ZNF609: variants seen among roughly 807,000 people sequenced by gnomAD.
The protein encoded by ZNF609 is zinc finger protein 609.
A neutral mutation model predicts 109.5 loss-of-function variants in ZNF609; 11 were observed. The ratio of observed to expected loss-of-function variants is 0.10; its 90% CI spans 0.06 to 0.17. ZNF609 has a LOEUF of 0.17. ZNF609 is among the 10% of genes least tolerant of loss of function. The pLI is 1.00. For missense variants in ZNF609, 1,559 were observed against 1,772.4 expected (o/e 0.88, Z 2.16); for synonymous variants, 646 against 662.0 (o/e 0.98, Z 0.37).
chr15:64,653,561 G>A (rs2140999279), intron 3 of ZNF609, among the ~76,000 whole-genome samples: 1 of 152,282 alleles, frequency 6.6e-6, no homozygotes, highest in Non-Finnish European at 1.5e-5. Flanking sequence ...CAGGAGAAAT[G>A]CTTGAACCTG....
Position 64,470,463 on chromosome 15 carries a change from T to G in ZNF609, c.-128+9625T>G, listed in dbSNP as rs558709718. The stretch of plus-strand genomic sequence containing the variant: ...AAGAGACGAGAAATGAAAAGCTGGT[T>G]GGTAAGTGTTTCAGGAACTTTCAGA... On this transcript the variant is annotated intron_variant, in intron 1 of 9. Transcript: ENST00000326648. 3 of 152,298 alleles carry G rather than the reference T, an allele frequency of 2.0e-5. No homozygotes were observed. In the South Asian group the frequency reaches 6.2e-4, roughly 32 times the overall value. 9.4% of individuals were successfully genotyped at this position (152,298 alleles called of 1,614,324 possible).
Position 64,683,483 on chromosome 15 carries a change from G to A in ZNF609, c.*1797G>A, listed in dbSNP as rs1185409649. The A allele has an allele frequency of 6.6e-6, 1 of 152,652 alleles. No individual in the cohort carries two copies. The highest frequency in any genetic ancestry group is 1.5e-5 in the Non-Finnish European group (1 of 68,162). 9.5% of individuals were successfully genotyped at this position (152,652 alleles called of 1,614,324 possible). A position where few individuals can be genotyped will look rare whatever the true frequency, so the allele number is the denominator to read the frequency against. On this transcript the variant is annotated 3_prime_UTR_variant, in exon 10 of 10. Coordinates refer to ENST00000326648, the MANE Select transcript of ZNF609 (RefSeq NM_015042.2). ...TGCCTCCTCGTTTTTGTTCAAGTTG[G>A]GTTCTGAGTCCTCCCCAAAAACCAT...
intron 3 of ZNF609, among the ~76,000 whole-genome samples, chr15:64,629,608 AC>A (rs1276368417): frequency 3.3e-5 from 5 of 152,294 alleles, no homozygotes; most frequent in Admixed American, 2.0e-4. Flanking sequence ...TTAGTCTGTT[AC>A]CTTTGGAGAG....
chr15:64,468,742 G>GA (rs979605992), intron 1 of ZNF609, among the ~76,000 whole-genome samples: 25 of 152,052 alleles, frequency 1.6e-4, no homozygotes, highest in Admixed American at 3.3e-4. Context: ...GAATAGAGGG[G>GA]AAAAAATCAT....
chr15:64,489,678 C>T (rs1345396740), intron 1 of ZNF609, among the ~76,000 whole-genome samples: 9 of 151,054 alleles, frequency 6.0e-5, no homozygotes, highest in African/African-American at 1.7e-4. Flanking sequence ...TACAGGCACC[C>T]GCCACCATGC....
intron 2 of ZNF609, among the ~76,000 whole-genome samples, chr15:64,615,939 C>T (rs964515126): frequency 1.3e-5 from 2 of 152,110 alleles, no homozygotes; most frequent in Non-Finnish European, 1.5e-5. Flanking sequence ...TTCCTTCTTG[C>T]GTTTTTGTCT....
chr15:64,559,744 A>G (rs953062096), intron 2 of ZNF609, among the ~76,000 whole-genome samples: 2 of 152,242 alleles, frequency 1.3e-5, no homozygotes, highest in Non-Finnish European at 2.9e-5. Context: ...TGGTCGCTCA[A>G]TAAGTATTTA....
rs34007985 is a variant in ZNF609 at position 64,641,219 on chromosome 15, C to CTTTTTTTTTTTTTTTTTTTTT, written c.973+18182_973+18183insTTTTTTTTTTTTTTTTTTTTT. Among the ~76,000 whole-genome samples the CTTTTTTTTTTTTTTTTTTTTT allele has an allele frequency of 8.6e-5, 6 of 69,734 alleles. 2 individuals are homozygous for CTTTTTTTTTTTTTTTTTTTTT. The highest frequency in any genetic ancestry group is 2.3e-4 in the Admixed American group (1 of 4,256). 45.7% of individuals were successfully genotyped at this position (69,734 alleles called of 152,430 possible). On this transcript the variant is annotated intron_variant, in intron 3 of 9. Transcript: ENST00000326648. Reference sequence around the variant, plus strand: ...TGGGTGTTAGTTACACTTGTGCTTTCTTTTTTTTTTTTTTTGAGATGGAGT... The same window carrying CTTTTTTTTTTTTTTTTTTTTT: ...TGGGTGTTAGTTACACTTGTGCTTTCTTTTTTTTTTTTTTTTTTTTTTTTTTTTTTTTTTTTGAGATGGAGT...
At position 64,499,629 on chromosome 15, in the gene ZNF609, C is replaced by A; in HGVS notation, c.210C>A (p.Asp70Glu). The change falls in exon 2 of 10, where the codon GAC (aspartate) becomes GAA (glutamate). Residue 70 changes from aspartate (D) to glutamate (E), a missense_variant. Physicochemically the swap from Asp to Glu is conservative, Grantham distance 45 (BLOSUM62 2). Transcript: ENST00000326648. ...PAPNAVATLP[D>E]NIKFVTPVPG... Reference sequence around the variant, plus strand: ...CCAATGCTGTGGCCACACTACCAGACAACATCAAGTTTGTGACCCCAGTGC... The same window carrying A: ...CCAATGCTGTGGCCACACTACCAGAAAACATCAAGTTTGTGACCCCAGTGC... 1 of 1,614,142 alleles carries A rather than the reference C, an allele frequency of 6.2e-7. No individual in the cohort carries two copies. The highest frequency in any genetic ancestry group is 2.2e-5 in the East Asian group (1 of 44,880).
chr15:64,575,574 G>A (rs1210652389), intron 2 of ZNF609, among the ~76,000 whole-genome samples: 1 of 152,090 alleles, frequency 6.6e-6, no homozygotes, highest in Non-Finnish European at 1.5e-5. Flanking sequence ...GGAGGTCAAC[G>A]TATTTATTTT....
At chr15:64,580,614 A>C (rs1284471390) in intron 2 of ZNF609, among the ~76,000 whole-genome samples, 2 of 149,222 alleles carry the variant, frequency 1.3e-5, no homozygotes, top group Non-Finnish European at 3.0e-5. Flanking sequence ...GTAGTGGTGC[A>C]GTCTGCAACC....
At chr15:64,659,839 T>C (rs1420257438) in intron 3 of ZNF609, among the ~76,000 whole-genome samples, 16 of 150,892 alleles carry the variant, frequency 1.1e-4, no homozygotes, top group South Asian at 6.3e-4. Flanking sequence ...TTCTTTCTTT[T>C]TTTTTTTTTT....
chr15:64,590,868 C>A (rs1397655786), intron 2 of ZNF609, among the ~76,000 whole-genome samples: 1 of 151,116 alleles, frequency 6.6e-6, no homozygotes, highest in South Asian at 2.1e-4. Flanking sequence ...AAAATGTTAT[C>A]CCTTGAAGAT....
intron 1 of ZNF609, among the ~76,000 whole-genome samples, chr15:64,489,054 G>T (rs1339126119): frequency 6.6e-6 from 1 of 152,072 alleles, no homozygotes; most frequent in East Asian, 1.9e-4. Context: ...CAGTGAGCTT[G>T]TGTTTGTTTG....
intron 2 of ZNF609, among the ~76,000 whole-genome samples, chr15:64,611,929 GT>G (rs1448956980): frequency 3.3e-5 from 5 of 151,048 alleles, no homozygotes; most frequent in African/African-American, 1.2e-4. Flanking sequence ...TAGAGATGGG[GT>G]TTCACTATGT....
At chr15:64,619,405 A>G (rs56026137) in intron 2 of ZNF609, among the ~76,000 whole-genome samples, 2,209 of 152,346 alleles carry the variant, frequency 0.014, 28 homozygotes, top group Non-Finnish European at 0.022. Flanking sequence ...AGGTTATTAG[A>G]TGAATATCAC....
intron 2 of ZNF609, among the ~76,000 whole-genome samples, chr15:64,615,948 CTG>C (rs1412752775): frequency 2.0e-5 from 3 of 152,144 alleles, no homozygotes; most frequent in African/African-American, 7.2e-5. Flanking sequence ...GCGTTTTTGT[CTG>C]TGAAGGTGAA....
chr15:64,522,883 A>G (rs902329619), intron 2 of ZNF609, among the ~76,000 whole-genome samples: 7 of 151,966 alleles, frequency 4.6e-5, no homozygotes, highest in Middle Eastern at 3.4e-3. Context: ...GTAATTTTCT[A>G]TATGGATTTC....
chr15:64,556,156 ATT>A (rs34788011), intron 2 of ZNF609, among the ~76,000 whole-genome samples: 76 of 147,222 alleles, frequency 5.2e-4, no homozygotes, highest in Non-Finnish European at 4.2e-4. Flanking sequence ...CACCTGGCCA[ATT>A]TTTTTTTTTT....
Sources: gnomAD v4.1 joint callset for allele counts (sites outside exome capture counted in the v4.1 genomes callset) on GRCh38, gnomAD v4.1.1 for gene constraint, MANE v1.5 for transcripts, NCBI Gene and HGNC (gene_info 2026-07-23, HGNC 2026-07-21) for gene names.